The following COL8A1 variants were observed in gnomAD, a reference collection of about 807,000 sequenced individuals.
COL8A1 encodes collagen type VIII alpha 1 chain.
COL8A1 carries 21 observed loss-of-function variants against 42.7 expected under a neutral mutation model. The ratio of observed to expected loss-of-function variants is 0.49; its 90% CI spans 0.35 to 0.71. The LOEUF (loss-of-function observed/expected upper bound fraction) is 0.71, where lower values mean the gene tolerates loss of function less well. Among genes scored for constraint, COL8A1 ranks in the 30% least tolerant of loss-of-function variants. The pLI is 0.01. For synonymous variants in COL8A1, 367 were observed against 369.1 expected (o/e 0.99, Z 0.06); for missense variants, 788 against 962.4 (o/e 0.82, Z 2.40).
chr3:99,792,652 C>G (rs1942023639), intron 3 of COL8A1, among the ~76,000 whole-genome samples: 1 of 152,116 alleles, frequency 6.6e-6, no homozygotes, highest in African/African-American at 2.4e-5. Context: ...CTTAAGGGAC[C>G]CAGTCACAAT....
intron 1 of COL8A1, among the ~76,000 whole-genome samples, chr3:99,658,125 A>C (rs867833732): frequency 1.9e-4 from 28 of 149,786 alleles, no homozygotes; most frequent in Admixed American, 2.6e-4. Flanking sequence ...AAAAAAACAA[A>C]AAACAAAAAA....
At chr3:99,655,082 C>T (rs558176132) in intron 1 of COL8A1, among the ~76,000 whole-genome samples, 15 of 152,122 alleles carry the variant, frequency 9.9e-5, no homozygotes, top group Non-Finnish European at 1.9e-4. Flanking sequence ...AGTAAAAAGC[C>T]ACTTAGAGAA....
At chr3:99,730,728 G>A (rs1183796391) in intron 1 of COL8A1, among the ~76,000 whole-genome samples, 1 of 152,110 alleles carries the variant, frequency 6.6e-6, no homozygotes, top group African/African-American at 2.4e-5. Context: ...TCATTTCAAA[G>A]CAAGGAGCCT....
chr3:99,648,816 G>A (rs752372654), intron 1 of COL8A1, among the ~76,000 whole-genome samples: 44 of 152,098 alleles, frequency 2.9e-4, no homozygotes, highest in Non-Finnish European at 4.6e-4. Context: ...ACCATAAACC[G>A]TAGCCAGATG....
Position 99,794,821 on chromosome 3 carries a change from A to C in COL8A1, c.920A>C (p.Gln307Pro), listed in dbSNP as rs773153911. ...GGCCCTATTGGGGTACCGGGGGTTC[A>C]AGGACCTCCTGGGATACCCGGAATT... The part of the protein sequence containing the change: ...PQGPIGVPGV[Q>P]GPPGIPGIGK... Residue 307 changes from glutamine (Q) to proline (P), a missense_variant, in exon 4 of 4, where the codon CAA (glutamine) becomes CCA (proline). Transcript: ENST00000652472. The surrounding 1 kb of genome is among the most constrained non-coding windows in gnomAD (Gnocchi z 4.3). 6.2e-7 allele frequency: 1 copy of C among 1,611,740 alleles called. No individual in the cohort carries two copies. The highest frequency in any genetic ancestry group is 2.2e-5 in the East Asian group (1 of 44,814).
intron 1 of COL8A1, among the ~76,000 whole-genome samples, chr3:99,713,411 C>A (rs2107359891): frequency 6.6e-6 from 1 of 152,164 alleles, no homozygotes; most frequent in South Asian, 2.1e-4. Context: ...TGCTAGATGC[C>A]AGATGCTCCC....
intron 1 of COL8A1, among the ~76,000 whole-genome samples, chr3:99,719,488 T>C (rs1176256440): frequency 6.6e-6 from 1 of 152,118 alleles, no homozygotes; most frequent in East Asian, 1.9e-4. Flanking sequence ...AATTTTCAGG[T>C]CTGGTGTGAT....
At chr3:99,681,309 AC>A (rs1235128416) in intron 1 of COL8A1, among the ~76,000 whole-genome samples, 3 of 152,062 alleles carry the variant, frequency 2.0e-5, no homozygotes, top group Admixed American at 1.3e-4. Context: ...AAATCAAACA[AC>A]CCCATCAAAA....
At position 99,795,116 on chromosome 3, in the gene COL8A1, T is replaced by A; in HGVS notation, c.1215T>A (p.Gly405=). The A allele has an allele frequency of 1.2e-6, 2 of 1,613,064 alleles. No homozygotes were observed. The change falls in exon 4 of 4, where the codon GGT becomes GGA. Residue 405 remains glycine (G), a synonymous_variant. Coordinates refer to ENST00000652472, the MANE Select transcript of COL8A1 (RefSeq NM_020351.4). ...PGIPGPMGPP[G]AIGFPGPKGE... is the part of the protein sequence containing the mutation. Reference sequence around the variant, plus strand: ...TCCCAGGTCCTATGGGCCCTCCAGGTGCTATTGGTTTTCCTGGACCCAAAG... The same window carrying A: ...TCCCAGGTCCTATGGGCCCTCCAGGAGCTATTGGTTTTCCTGGACCCAAAG...
intron 1 of COL8A1, among the ~76,000 whole-genome samples, chr3:99,735,873 G>A (rs1940694425): frequency 6.6e-6 from 1 of 152,054 alleles, no homozygotes; most frequent in Admixed American, 6.5e-5. Flanking sequence ...TCCTGGTTTA[G>A]TCTTGGGAGG....
intron 2 of COL8A1, among the ~76,000 whole-genome samples, chr3:99,781,945 T>G (rs1336507341): frequency 2.0e-5 from 3 of 152,188 alleles, no homozygotes; most frequent in African/African-American, 7.2e-5. Context: ...ACCACGAATT[T>G]CCCCTTTCCA....
At chr3:99,686,819 G>T (rs1939066976) in intron 1 of COL8A1, among the ~76,000 whole-genome samples, 1 of 152,122 alleles carries the variant, frequency 6.6e-6, no homozygotes, top group African/African-American at 2.4e-5. Flanking sequence ...GGGACTACAG[G>T]CACATGCCAC....
chr3:99,734,351 T>G (rs1367159694), intron 1 of COL8A1, among the ~76,000 whole-genome samples: 18 of 142,358 alleles, frequency 1.3e-4, no homozygotes, highest in Admixed American at 1.2e-3. Context: ...GGGATCCAGT[T>G]TCAGCTTTCT....
At chr3:99,773,815 G>GTATATATATATATATATATATATATTT (rs1553682062) in intron 2 of COL8A1, among the ~76,000 whole-genome samples, 6 of 35,914 alleles carry the variant, frequency 1.7e-4, no homozygotes, top group South Asian at 1.1e-3. Flanking sequence ...ATATATGTGT[G>GTATATATATATATATATATATATATTT]TATATATATA....
At chr3:99,691,536 A>T (rs901283549) in intron 1 of COL8A1, 1 of 151,846 alleles carries the variant, frequency 6.6e-6, no homozygotes, top group Admixed American at 6.6e-5. Context: ...CTCAGGCCTC[A>T]CCCCAGAATC....
intron 1 of COL8A1, among the ~76,000 whole-genome samples, chr3:99,733,862 C>G (rs545901743): frequency 1.6e-4 from 24 of 152,158 alleles, no homozygotes; most frequent in African/African-American, 4.1e-4. Context: ...GAGATGGTAT[C>G]TCAATGTGGT....
At chr3:99,646,014 A>C (rs569224336) in intron 1 of COL8A1, among the ~76,000 whole-genome samples, 192 of 152,148 alleles carry the variant, frequency 1.3e-3, no homozygotes, top group African/African-American at 4.3e-3. Context: ...AAATGGGCCA[A>C]ATAGGCTTCT....
chr3:99,769,425 C>A (rs187330678), intron 2 of COL8A1, among the ~76,000 whole-genome samples: 1 of 152,314 alleles, frequency 6.6e-6, no homozygotes, highest in Non-Finnish European at 1.5e-5. Flanking sequence ...GGTAGCCTGC[C>A]AACTATTCAT....
chr3:99,746,520 C>G (rs371310779), intron 2 of COL8A1, among the ~76,000 whole-genome samples: 3 of 151,956 alleles, frequency 2.0e-5, no homozygotes, highest in African/African-American at 7.2e-5. Context: ...ATGAGCTCTC[C>G]CAGTAAAAAA....
Sources: allele counts gnomAD v4.1 joint callset (sites outside exome capture counted in the v4.1 genomes callset), GRCh38; gene constraint gnomAD v4.1.1; non-coding constraint Gnocchi (gnomAD v3.1); transcripts MANE v1.5; gene names NCBI Gene and HGNC (gene_info 2026-07-23, HGNC 2026-07-21).